MSH4: variants seen among roughly 807,000 people sequenced by gnomAD.
MSH4 encodes the protein mutS protein homolog 4.
In MSH4, 106 loss-of-function variants were observed where a neutral mutation model predicts 113.7. The observed-to-expected ratio is 0.93, with a 90% CI of 0.80 to 1.10. The LOEUF (loss-of-function observed/expected upper bound fraction) is 1.10. Ranked by LOEUF, MSH4 falls within the 50% of genes least tolerant of loss-of-function variation. MSH4 has a pLI of 0.00. For synonymous variants in MSH4, 368 were observed against 380.2 expected (o/e 0.97, Z 0.37); for missense variants, 1,061 against 1,093.7 (o/e 0.97, Z 0.42).
intron 7 of MSH4, among the ~76,000 whole-genome samples, chr1:75,843,454 G>A (rs936993457): frequency 6.6e-6 from 1 of 152,122 alleles, no homozygotes; most frequent in Non-Finnish European, 1.5e-5. Flanking sequence ...GACTTTGCAG[G>A]GCAATTTCAA....
chr1:75,896,257 T>TCC (rs1652377750), intron 17 of MSH4, among the ~76,000 whole-genome samples: 1 of 152,002 alleles, frequency 6.6e-6, no homozygotes, highest in Non-Finnish European at 1.5e-5. Flanking sequence ...CTCTTGGGTC[T>TCC]CCAGCTTGCT....
chr1:75,825,831 A>C (rs1160005105), intron 7 of MSH4, among the ~76,000 whole-genome samples: 1 of 152,160 alleles, frequency 6.6e-6, no homozygotes, highest in African/African-American at 2.4e-5. Context: ...ATTGTGGTGG[A>C]TAAGCTTTTT....
At chr1:75,828,595 G>A (rs12564772) in intron 7 of MSH4, among the ~76,000 whole-genome samples, 38,316 of 152,050 alleles carry the variant, frequency 0.25, 6,243 homozygotes, top group East Asian at 0.68. Flanking sequence ...TTATATGTGG[G>A]AGCTAAACAT....
chr1:75,806,611 G>A (rs956342765), intron 2 of MSH4, among the ~76,000 whole-genome samples: 1 of 151,986 alleles, frequency 6.6e-6, no homozygotes, highest in African/African-American at 2.4e-5. Flanking sequence ...GTCTAGCTGT[G>A]TGCCAATATC....
chr1:75,837,540 C>T (rs1650858863), intron 7 of MSH4, among the ~76,000 whole-genome samples: 1 of 151,954 alleles, frequency 6.6e-6, no homozygotes, highest in Non-Finnish European at 1.5e-5. Context: ...GCACCCACCA[C>T]CACACCCGAC....
rs367642206 is a variant in MSH4 at position 75,796,964 on chromosome 1, G to T, written c.-22G>T. The T allele has an allele frequency of 1.9e-6, 3 of 1,612,852 alleles. No individual in the cohort carries two copies. The South Asian group carries it at 3.3e-5, about 18-fold the overall frequency. Reference sequence around the variant, plus strand: ...GTCGCTCAGAAACCTCATACTTCTCGGGTCAGGGAAGGTTTGGGAGGATGC... The same window carrying T: ...GTCGCTCAGAAACCTCATACTTCTCTGGTCAGGGAAGGTTTGGGAGGATGC... On this transcript the variant is annotated 5_prime_UTR_variant, in exon 1 of 20. Coordinates refer to ENST00000263187, the MANE Select transcript of MSH4 (RefSeq NM_002440.4).
At chr1:75,808,053 T>C (rs1650106458) in intron 3 of MSH4, among the ~76,000 whole-genome samples, 1 of 152,222 alleles carries the variant, frequency 6.6e-6, no homozygotes, top group African/African-American at 2.4e-5. Context: ...ATTTTTTTGA[T>C]AAATGAAGAC....
chr1:75,882,136 A>G (rs914816856), intron 14 of MSH4, among the ~76,000 whole-genome samples: 3 of 152,050 alleles, frequency 2.0e-5, no homozygotes, highest in African/African-American at 7.2e-5. Context: ...TTGGTATTTT[A>G]TAGGCCAAAA....
chr1:75,884,893 ACTGT>A (rs1293598586), intron 15 of MSH4, among the ~76,000 whole-genome samples: 1 of 151,590 alleles, frequency 6.6e-6, no homozygotes, highest in African/African-American at 2.4e-5. Context: ...TTATAAGAAT[ACTGT>A]CTGATTCATG....
At chr1:75,843,757 G>C (rs919566414) in intron 7 of MSH4, among the ~76,000 whole-genome samples, 6 of 151,764 alleles carry the variant, frequency 4.0e-5, no homozygotes, top group African/African-American at 1.5e-4. Flanking sequence ...ACTATCAAAA[G>C]ACACCTGACA....
At chr1:75,896,456 T>C (rs1404441446) in intron 17 of MSH4, among the ~76,000 whole-genome samples, 1 of 150,964 alleles carries the variant, frequency 6.6e-6, no homozygotes, top group Non-Finnish European at 1.5e-5. Flanking sequence ...TTTTTTTTAA[T>C]TTTTTTTTGA....
At chr1:75,884,640 A>G (rs1390634140) in intron 15 of MSH4, among the ~76,000 whole-genome samples, 1 of 151,984 alleles carries the variant, frequency 6.6e-6, no homozygotes, top group Non-Finnish European at 1.5e-5. Flanking sequence ...TCACCCCACC[A>G]TACACACACA....
At chr1:75,857,831 C>T (rs1159125888) in intron 8 of MSH4, among the ~76,000 whole-genome samples, 1 of 152,104 alleles carries the variant, frequency 6.6e-6, no homozygotes. Flanking sequence ...ATGGGGATGG[C>T]CTTGAATCTA....
chr1:75,881,971 T>C (rs1224043046), intron 14 of MSH4, among the ~76,000 whole-genome samples: 2 of 152,086 alleles, frequency 1.3e-5, no homozygotes, highest in Non-Finnish European at 2.9e-5. Context: ...ATGTGATAAT[T>C]ATGGTTGAAT....
intron 1 of MSH4, among the ~76,000 whole-genome samples, chr1:75,799,596 G>T (rs1431816571): frequency 6.6e-6 from 1 of 152,172 alleles, no homozygotes; most frequent in Admixed American, 6.5e-5. Flanking sequence ...CAGCTGGAGC[G>T]CATTCTTGAG....
At chr1:75,846,215 T>C (rs1438741935) in intron 7 of MSH4, among the ~76,000 whole-genome samples, 1 of 152,174 alleles carries the variant, frequency 6.6e-6, no homozygotes, top group African/African-American at 2.4e-5. Context: ...TCATTCTCAT[T>C]GTTTTCATGA....
intron 8 of MSH4, among the ~76,000 whole-genome samples, chr1:75,854,537 C>A (rs1417610919): frequency 2.6e-5 from 4 of 152,124 alleles, no homozygotes; most frequent in African/African-American, 9.7e-5. Flanking sequence ...GGTAGACCTT[C>A]AGTTTAAATG....
Position 75,884,623 on chromosome 1 carries a change from G to A in MSH4, c.2107+802G>A, listed in dbSNP as rs116210672. On this transcript the variant is annotated intron_variant, in intron 15 of 19. Transcript: ENST00000263187. Reference sequence around the variant, plus strand: ...CAGCTCTTCCTCTCCACGCTCCCCTGCTTTCCTCACCCCACCATACACACA... The same window carrying A: ...CAGCTCTTCCTCTCCACGCTCCCCTACTTTCCTCACCCCACCATACACACA... 2.8e-3 allele frequency among the ~76,000 whole-genome samples: 427 copies of A among 151,998 alleles called. 1 individual carries two copies. The highest frequency in any genetic ancestry group is 9.2e-3 in the African/African-American group (381 of 41,468).
At chr1:75,861,092 A>G (rs1651445456) in intron 8 of MSH4, among the ~76,000 whole-genome samples, 1 of 152,102 alleles carries the variant, frequency 6.6e-6, no homozygotes, top group African/African-American at 2.4e-5. Flanking sequence ...AAGTTCTCAT[A>G]TTGTGCTTTT....
Sources: gnomAD v4.1 joint callset for allele counts (sites outside exome capture counted in the v4.1 genomes callset) on GRCh38, gnomAD v4.1.1 for gene constraint, MANE v1.5 for transcripts, NCBI Gene and HGNC (gene_info 2026-07-23, HGNC 2026-07-21) for gene names.